WDR20: variants seen among roughly 807,000 people sequenced by gnomAD.
The protein encoded by WDR20 is WD repeat-containing protein 20.
Under a neutral mutation model 38.7 loss-of-function variants are expected in WDR20, and 3 were observed. The observed-to-expected ratio is 0.08, with a 90% CI of 0.04 to 0.20. The LOEUF (loss-of-function observed/expected upper bound fraction) is 0.20, where lower values mean the gene tolerates loss of function less well. Ranked by LOEUF, WDR20 falls within the 10% of genes least tolerant of loss-of-function variation. The pLI, the probability that WDR20 is intolerant of heterozygous loss-of-function variation, is 1.00. For missense variants in WDR20, 559 were observed against 727.7 expected (o/e 0.77, Z 2.67); for synonymous variants, 298 against 285.6 (o/e 1.04, Z -0.44).
chr14:102,209,291 A>G lies in WDR20; in HGVS notation c.1121A>G (p.Gln374Arg). Residue 374 changes from glutamine to arginine, a missense_variant, in exon 3 of 3, where the codon CAG becomes CGG. By Grantham distance (43) the Gln-to-Arg change is conservative (BLOSUM62 1). Transcript: ENST00000342702. This position sits in a 1 kb window ranked among gnomAD's most constrained non-coding sequence, Gnocchi z 6.0. ...ACGTATCGGTTTGGTTCCGTGGGCCAGGACACACAGCTCTGTTTATGGGAC... is the reference window on the plus strand; with the variant it reads ...ACGTATCGGTTTGGTTCCGTGGGCCGGGACACACAGCTCTGTTTATGGGAC... ...SVTYRFGSVG[Q>R]DTQLCLWDLT... 1 of 1,614,222 alleles carries G rather than the reference A, an allele frequency of 6.2e-7. No individual in the cohort carries two copies. The highest frequency in any genetic ancestry group is 8.5e-7 in the Non-Finnish European group (1 of 1,180,044).
Position 102,208,633 on chromosome 14 carries a change from G to A in WDR20, c.463G>A (p.Val155Ile). 6.2e-7 allele frequency: 1 copy of A among 1,611,486 alleles called. No individual in the cohort carries two copies. Among genetic ancestry groups the A allele is most frequent in the South Asian group, 1.1e-5 (1 of 91,046 alleles). Residue 155 changes from valine to isoleucine, a missense_variant, in exon 3 of 3, where the codon GTC becomes ATC. Physicochemically the swap from Val to Ile is conservative, Grantham distance 29 (BLOSUM62 3). Transcript: ENST00000342702. The surrounding 1 kb of genome is among the most constrained non-coding windows in gnomAD (Gnocchi z 5.6). The stretch of plus-strand genomic sequence containing the variant: ...AATAGACAAGTCACGAGTTACCTGT[G>A]TCAAATGGGTTCCCGGTTCGGAAAG... ...RLIDKSRVTCVKWVPGSESLF... is the reference protein window; with the variant it reads ...RLIDKSRVTCIKWVPGSESLF...
intron 2 of WDR20, 56 bp downstream of exon 2, chr14:102,195,176 T>TA: frequency 6.3e-7 from 1 of 1,575,104 alleles, no homozygotes; most frequent in Non-Finnish European, 8.6e-7. Context: ...GATACATTCT[T>TA]ACCGAGGGTA....
intron 2 of WDR20, among the ~76,000 whole-genome samples, chr14:102,196,424 G>A (rs961573110): frequency 1.3e-5 from 2 of 152,028 alleles, no homozygotes; most frequent in African/African-American, 4.8e-5. Context: ...TTTTTTTGGT[G>A]CTGAGTTTGG....
In WDR20 at chr14:102,159,484, A is replaced by G. The variant is rs149845187; in HGVS notation, c.249+19312A>G. On this transcript the variant is annotated intron_variant, in intron 1 of 2. Coordinates refer to ENST00000342702, the MANE Select transcript of WDR20 (RefSeq NM_144574.4). The stretch of plus-strand genomic sequence containing the variant: ...TCCTCAAGTGTTTCAGGTACACACT[A>G]AAGTTGAAGAGGCACTGGTCTTTAC... Among the ~76,000 whole-genome samples the G allele has an allele frequency of 3.2e-3, 480 of 152,322 alleles. 1 individual carries two copies. The highest frequency in any genetic ancestry group is 0.011 in the African/African-American group (453 of 41,546).
At chr14:102,217,364 C>T (rs771587944), downstream of WDR20, among the ~76,000 whole-genome samples, 6 of 152,316 alleles carry the variant, frequency 3.9e-5, no homozygotes, top group African/African-American at 1.2e-4. Flanking sequence ...CTTAGATGGT[C>T]GTGCCCTTCA....
chr14:102,214,011 C>A, downstream of WDR20: 3 of 985,484 alleles, frequency 3.0e-6, no homozygotes, highest in Non-Finnish European at 3.6e-6. Context: ...GCGGGGGATC[C>A]GGTGGCCCTG....
chr14:102,139,677 G>A (rs2152632477), upstream of WDR20: 1 of 658,252 alleles, frequency 1.5e-6, no homozygotes, highest in Non-Finnish European at 2.6e-6. Flanking sequence ...GCCGCCCGGA[G>A]GCCACACCCG....
chr14:102,176,673 A>G (rs2062180344), intron 1 of WDR20, among the ~76,000 whole-genome samples: 1 of 151,620 alleles, frequency 6.6e-6, no homozygotes, highest in African/African-American at 2.4e-5. Context: ...CTGGCTTCAT[A>G]GAATGATTTA....
At chr14:102,170,643 T>C (rs998933359) in intron 1 of WDR20, among the ~76,000 whole-genome samples, 1 of 151,898 alleles carries the variant, frequency 6.6e-6, no homozygotes, top group Non-Finnish European at 1.5e-5. Context: ...AAAATTAAGT[T>C]GGTAGGAGAT....
chr14:102,149,983 G>A (rs1029054532), intron 1 of WDR20, among the ~76,000 whole-genome samples: 7 of 152,132 alleles, frequency 4.6e-5, no homozygotes, highest in Admixed American at 2.0e-4. Flanking sequence ...ATGAGCCACC[G>A]CACCCAGACG....
intron 1 of WDR20, among the ~76,000 whole-genome samples, chr14:102,153,107 C>T (rs903108213): frequency 6.6e-6 from 1 of 152,110 alleles, no homozygotes; most frequent in Non-Finnish European, 1.5e-5. Flanking sequence ...TACGAGTTCT[C>T]TCCAGAACTG....
intron 1 of WDR20, among the ~76,000 whole-genome samples, chr14:102,163,317 A>C (rs1468525295): frequency 6.6e-6 from 1 of 152,120 alleles, no homozygotes; most frequent in Non-Finnish European, 1.5e-5. Context: ...CCGTGAGCCA[A>C]ATAAACTTGT....
intron 1 of WDR20, among the ~76,000 whole-genome samples, chr14:102,144,237 C>T (rs768459217): frequency 3.3e-5 from 5 of 152,078 alleles, no homozygotes; most frequent in Non-Finnish European, 7.4e-5. Flanking sequence ...AATCTCAGCG[C>T]TTTGGGAGGC....
downstream of WDR20, chr14:102,213,037 G>A: frequency 2.0e-6 from 2 of 990,812 alleles, no homozygotes; most frequent in Non-Finnish European, 2.4e-6. Context: ...AAGGGGGCGA[G>A]CTGGTCCCTG....
rs942771543 is a variant in WDR20 at position 102,140,464 on chromosome 14, G to A, written c.249+292G>A. Among the ~76,000 whole-genome samples the A allele has an allele frequency of 1.6e-4, 25 of 152,236 alleles. No individual in the cohort carries two copies. The East Asian group carries it at 1.9e-3, about 12-fold the overall frequency. On this transcript the variant is annotated intron_variant, in intron 1 of 2. Transcript: ENST00000342702. ...CGTCCCCTCCAGCCTGGTCCATCAG[G>A]CTCTGACATGGCCAGGGAGCGGGCC...
At position 102,210,161 on chromosome 14, in the gene WDR20, T is replaced by G; in HGVS notation, c.*281T>G. ...GTTAGCGCTCCTGTATTAGACTATTTCAATTTTAGGAAAATCATGACCATG... is the reference window on the plus strand; with the variant it reads ...GTTAGCGCTCCTGTATTAGACTATTGCAATTTTAGGAAAATCATGACCATG... On this transcript the variant is annotated 3_prime_UTR_variant, in exon 3 of 3. Coordinates refer to ENST00000342702, the MANE Select transcript of WDR20 (RefSeq NM_144574.4). 1 of 1,104,896 alleles carries G rather than the reference T, an allele frequency of 9.1e-7. No homozygotes were observed. Among genetic ancestry groups the G allele is most frequent in the Non-Finnish European group, 1.1e-6 (1 of 906,752 alleles). 68.4% of individuals were successfully genotyped at this position (1,104,896 alleles called of 1,614,324 possible).
chr14:102,211,251 C>T (rs1277196800), downstream of WDR20, among the ~76,000 whole-genome samples: 1 of 151,992 alleles, frequency 6.6e-6, no homozygotes, highest in Admixed American at 6.5e-5. This position sits in a 1 kb window ranked among gnomAD's most constrained non-coding sequence, Gnocchi z 4.2. Context: ...AATATAGAGA[C>T]AACGATCACT....
intron 1 of WDR20, among the ~76,000 whole-genome samples, chr14:102,153,817 A>C (rs1327894045): frequency 2.6e-5 from 4 of 152,134 alleles, no homozygotes; most frequent in African/African-American, 9.7e-5. Context: ...CTGAAATGTC[A>C]CCATCCATCA....
At chr14:102,201,155 C>A (rs2060322257) in intron 2 of WDR20, among the ~76,000 whole-genome samples, 1 of 152,206 alleles carries the variant, frequency 6.6e-6, no homozygotes, top group South Asian at 2.1e-4. Flanking sequence ...AATACCCTTT[C>A]CTAATACTTC....
Sources: allele counts gnomAD v4.1 joint callset (sites outside exome capture counted in the v4.1 genomes callset), GRCh38; gene constraint gnomAD v4.1.1; non-coding constraint Gnocchi (gnomAD v3.1); transcripts MANE v1.5; gene names NCBI Gene and HGNC (gene_info 2026-07-23, HGNC 2026-07-21).